The following FECH variants were observed in gnomAD, a reference collection of about 807,000 sequenced individuals.
FECH encodes the protein ferrochelatase, also known as ferrochelatase, mitochondrial.
Under a neutral mutation model 56.9 loss-of-function variants are expected in FECH, and 40 were observed. That is an observed-to-expected ratio of 0.70 (90% CI 0.55 to 0.92). The LOEUF is 0.92. Among genes scored for constraint, FECH ranks in the 40% least tolerant of loss-of-function variants. FECH has a pLI of 0.00. For synonymous variants in FECH, 175 were observed against 198.6 expected (o/e 0.88, Z 1.00); for missense variants, 431 against 529.1 (o/e 0.81, Z 1.82).
At chr18:57,554,820 G>A (rs999771175) in intron 8 of FECH, 25 bp downstream of exon 8, 13 of 1,576,464 alleles carry the variant, frequency 8.2e-6, no homozygotes, top group East Asian at 2.2e-5. Context: ...AGAGCTGGCC[G>A]CCCGCCAGTG....
intron 1 of FECH, among the ~76,000 whole-genome samples, chr18:57,582,006 T>TAA (rs35508740): frequency 7.4e-5 from 11 of 148,490 alleles, no homozygotes; most frequent in South Asian, 4.3e-4. Flanking sequence ...GTTGGTGTTT[T>TAA]AAAAAAAAAA....
At chr18:57,582,118 A>G (rs565055284) in intron 1 of FECH, among the ~76,000 whole-genome samples, 1 of 152,280 alleles carries the variant, frequency 6.6e-6, no homozygotes, top group Admixed American at 6.5e-5. Context: ...TCATGCTGCA[A>G]TGGCCCTAAT....
In FECH at chr18:57,559,163, A is replaced by T; in HGVS notation, c.786T>A (p.Ala262=). The T allele has an allele frequency of 6.2e-7, 1 of 1,612,350 alleles. No individual in the cohort carries two copies. The highest frequency in any genetic ancestry group is 8.5e-7 in the Non-Finnish European group (1 of 1,178,450). The change falls in exon 7 of 11, where the codon GCT becomes GCA. Residue 262 remains alanine (A), a synonymous_variant. Transcript: ENST00000262093. ...KRSEVVILFS[A]HSLPMSVVNR... ...TACTTACAGACATGGGCAGTGAGTG[A>T]GCAGAAAACAGAATGACCACCTCGC...
Position 57,546,049 on chromosome 18 carries a change from T to A in FECH, c.*4663A>T, listed in dbSNP as rs2050715979. Among the ~76,000 whole-genome samples, 1 of 152,180 alleles carries A rather than the reference T, an allele frequency of 6.6e-6. No homozygotes were observed. The highest frequency in any genetic ancestry group is 2.1e-4 in the South Asian group (1 of 4,832). ...TATTAAAAATTGAGAAGCTGAATAA[T>A]CTTAATTTAGGGCATTAGTTTCCGG... On this transcript the variant is annotated 3_prime_UTR_variant, in exon 11 of 11. Transcript: ENST00000262093.
chr18:57,557,634 A>G (rs2050885621), intron 7 of FECH, among the ~76,000 whole-genome samples: 1 of 152,146 alleles, frequency 6.6e-6, no homozygotes, highest in African/African-American at 2.4e-5. Flanking sequence ...CGTCTCTACT[A>G]AAAATACAAA....
rs763940453 is a variant in FECH at position 57,551,385 on chromosome 18, T to A, written c.1078-11A>T. The A allele has an allele frequency of 3.1e-6, 5 of 1,610,076 alleles. No homozygotes were observed. Among genetic ancestry groups the A allele is most frequent in the Admixed American group, 3.3e-5 (2 of 59,988 alleles). On this transcript the variant is annotated splice_polypyrimidine_tract_variant and intron_variant, in intron 9 of 10. Coordinates refer to ENST00000262093, the MANE Select transcript of FECH (RefSeq NM_000140.5). ...GTTTTCAACTCCACACTGAATCAAA[T>A]GAGAAAAGGGAGGAAAAACACAGAT...
In FECH at chr18:57,547,671, C is replaced by T. The variant is rs185062151; in HGVS notation, c.*3041G>A. 9.0e-4 allele frequency among the ~76,000 whole-genome samples: 137 copies of T among 152,230 alleles called. No individual in the cohort carries two copies. The highest frequency in any genetic ancestry group is 3.0e-3 in the African/African-American group (124 of 41,558). On this transcript the variant is annotated 3_prime_UTR_variant, in exon 11 of 11. Transcript: ENST00000262093. ...GTTTTGGGACAGGGTCTTCCTCTGT[C>T]ACCCAGGCTGGAGTGCAGTGGTGCA... is the stretch of plus-strand genomic sequence containing the variant.
In FECH at chr18:57,545,483, T is replaced by C. The variant is rs1223952127; in HGVS notation, c.*5229A>G. ...CACATCAAAAGCAAAAGCATTTCTT[T>C]CTCTCACGGGACCCCAGAATAGGAG... On this transcript the variant is annotated 3_prime_UTR_variant, in exon 11 of 11. Transcript: ENST00000262093. Among the ~76,000 whole-genome samples the C allele has an allele frequency of 6.6e-6, 1 of 152,170 alleles. No individual in the cohort carries two copies. Among genetic ancestry groups the C allele is most frequent in the Non-Finnish European group, 1.5e-5 (1 of 68,040 alleles).
rs770165074 is a variant in FECH, at chr18:57,573,246, T to C, written c.314A>G (p.Asn105Ser). Residue 105 changes from asparagine (N) to serine (S), a missense_variant and splice_region_variant, in exon 3 of 11, where the codon AAT (asparagine) becomes AGT (serine). Transcript: ENST00000262093. ...ATTGAGGTGTTTATATATATCTCAC[T>C]TCTGAATAGGAAGTGTCATGAGGTC... Reference protein sequence around the residue: ...DRDLMTLPIQNKLAPFIAKRR... With the variant: ...DRDLMTLPIQSKLAPFIAKRR... 6.2e-7 allele frequency: 1 copy of C among 1,613,206 alleles called. No individual in the cohort carries two copies. Among genetic ancestry groups the C allele is most frequent in the East Asian group, 2.2e-5 (1 of 44,886 alleles).
chr18:57,550,874 C>G lies in FECH; in HGVS notation c.1138-28G>C, dbSNP rs1625069. ...GGAAGATAGACAAGAGGCAAAGACG[C>G]ATGAGAAGCACAGGGTCTGCTCGTC... On this transcript the variant is annotated intron_variant, in intron 10 of 10. Coordinates refer to ENST00000262093, the MANE Select transcript of FECH (RefSeq NM_000140.5). 35 of 1,612,412 alleles carry G rather than the reference C, an allele frequency of 2.2e-5. No individual in the cohort carries two copies. In the African/African-American group the frequency reaches 4.3e-4, roughly 20 times the overall value.
chr18:57,563,799 A>G (rs1180383255), intron 5 of FECH, among the ~76,000 whole-genome samples: 1 of 152,074 alleles, frequency 6.6e-6, no homozygotes, highest in East Asian at 1.9e-4. Context: ...TACATATGCA[A>G]TTCTGCATGC....
intron 1 of FECH, among the ~76,000 whole-genome samples, chr18:57,582,608 T>G (rs1001698674): frequency 2.7e-5 from 4 of 150,604 alleles, no homozygotes; most frequent in Admixed American, 1.3e-4. Context: ...TACACAAAAT[T>G]TAAGGAGTTA....
chr18:57,565,910 C>G (rs963220104), intron 5 of FECH, among the ~76,000 whole-genome samples: 2 of 152,148 alleles, frequency 1.3e-5, no homozygotes, highest in Non-Finnish European at 2.9e-5. Context: ...AAACGACAAG[C>G]AGTAACATTT....
intron 7 of FECH, among the ~76,000 whole-genome samples, chr18:57,555,781 G>C (rs906049184): frequency 1.3e-5 from 2 of 152,106 alleles, no homozygotes; most frequent in African/African-American, 2.4e-5. Context: ...CTATGATATG[G>C]CTGGAAACAG....
chr18:57,566,551 T>C lies in FECH; in HGVS notation c.494A>G (p.Tyr165Cys). 2 of 1,614,182 alleles carry C rather than the reference T, an allele frequency of 1.2e-6. No homozygotes were observed. The highest frequency in any genetic ancestry group is 4.5e-5 in the East Asian group (2 of 44,888). ...APHKYYIGFR[Y>C]VHPLTEEAIE... ...TGCTTCTTCTGTTAAAGGATGGACG[T>C]ACCGAAATCCAATATAGTATTTGTG... The change falls in exon 5 of 11, where the codon TAC becomes TGC. Residue 165 changes from tyrosine to cysteine, a missense_variant. Tyr to Cys is a radical substitution (Grantham distance 194). Coordinates refer to ENST00000262093, the MANE Select transcript of FECH (RefSeq NM_000140.5).
At chr18:57,560,174 G>A (rs964191349) in intron 6 of FECH, among the ~76,000 whole-genome samples, 6 of 152,208 alleles carry the variant, frequency 3.9e-5, no homozygotes, top group Admixed American at 2.0e-4. Flanking sequence ...TTATGTAAGA[G>A]AATATTCCTG....
At chr18:57,560,009 G>A (rs9947346) in intron 6 of FECH, among the ~76,000 whole-genome samples, 6 of 152,174 alleles carry the variant, frequency 3.9e-5, no homozygotes, top group African/African-American at 4.8e-5. Flanking sequence ...GCTTTCTTTC[G>A]TCTTATACTT....
chr18:57,564,355 G>A (rs1162618696), intron 5 of FECH, among the ~76,000 whole-genome samples: 1 of 152,168 alleles, frequency 6.6e-6, no homozygotes, highest in Non-Finnish European at 1.5e-5. Context: ...GAAGGCAGAT[G>A]GTGTCAACCC....
intron 7 of FECH, among the ~76,000 whole-genome samples, 172 bp downstream of exon 7, chr18:57,558,972 AT>A (rs2050903181): frequency 6.6e-6 from 1 of 152,206 alleles, no homozygotes; most frequent in Non-Finnish European, 1.5e-5. Flanking sequence ...ATTTGAATTC[AT>A]TGTTACGAGG....
Sources: allele counts gnomAD v4.1 joint callset (sites outside exome capture counted in the v4.1 genomes callset), GRCh38; gene constraint gnomAD v4.1.1; transcripts MANE v1.5; gene names NCBI Gene and HGNC (gene_info 2026-07-23, HGNC 2026-07-21).